The following EXOC4 variants were observed in gnomAD, a reference collection of about 807,000 sequenced individuals.
EXOC4 encodes the protein SEC8-like 1.
EXOC4 carries 71 observed loss-of-function variants against 107.2 expected under a neutral mutation model. The ratio of observed to expected loss-of-function variants is 0.66; its 90% CI spans 0.55 to 0.81. The LOEUF (loss-of-function observed/expected upper bound fraction) is 0.81. Among genes scored for constraint, EXOC4 ranks in the 30% least tolerant of loss-of-function variants. The pLI, the probability that EXOC4 is intolerant of heterozygous loss-of-function variation, is 0.00. For synonymous variants in EXOC4, 456 were observed against 441.2 expected (o/e 1.03, Z -0.42); for missense variants, 1,108 against 1,189.6 (o/e 0.93, Z 1.01).
chr7:133,997,804 G>A (rs1038138481), intron 15 of EXOC4, among the ~76,000 whole-genome samples, 171 bp downstream of exon 15: 2 of 152,164 alleles, frequency 1.3e-5, no homozygotes, highest in Admixed American at 1.3e-4. Flanking sequence ...TGAGCGCACA[G>A]TGTATTGTGA....
intron 14 of EXOC4, among the ~76,000 whole-genome samples, chr7:133,977,605 A>G (rs1793868785): frequency 6.6e-6 from 1 of 152,166 alleles, no homozygotes; most frequent in Non-Finnish European, 1.5e-5. Context: ...CTGTGACCAA[A>G]TCTTTCCTTT....
At chr7:133,376,062 A>G (rs1796483566) in intron 7 of EXOC4, among the ~76,000 whole-genome samples, 1 of 152,202 alleles carries the variant, frequency 6.6e-6, no homozygotes, top group Non-Finnish European at 1.5e-5. Flanking sequence ...CATGGCAAAT[A>G]AGAGTCTTTG....
intron 11 of EXOC4, among the ~76,000 whole-genome samples, chr7:133,836,109 T>C (rs147760476): frequency 1.8e-4 from 28 of 152,320 alleles, no homozygotes; most frequent in Non-Finnish European, 2.6e-4. Context: ...AAATATAATA[T>C]AGCAGACAGG....
intron 17 of EXOC4, among the ~76,000 whole-genome samples, chr7:134,028,267 A>C (rs1795190762): frequency 6.6e-6 from 1 of 152,232 alleles, no homozygotes; most frequent in Non-Finnish European, 1.5e-5. Flanking sequence ...CACATACTCA[A>C]GTCCTTGTTG....
chr7:133,901,903 C>A (rs1221359391), intron 12 of EXOC4, among the ~76,000 whole-genome samples: 2 of 152,040 alleles, frequency 1.3e-5, no homozygotes, highest in Non-Finnish European at 2.9e-5. Flanking sequence ...TGTTAGGACC[C>A]ACTTCTCCCA....
intron 10 of EXOC4, among the ~76,000 whole-genome samples, chr7:133,703,778 C>G (rs1050437019): frequency 6.6e-6 from 1 of 152,162 alleles, no homozygotes; most frequent in Admixed American, 6.5e-5. Context: ...TGGCCAGTGT[C>G]GTTCTGGGAC....
At chr7:133,467,163 A>G (rs1177708304) in intron 7 of EXOC4, among the ~76,000 whole-genome samples, 2 of 151,722 alleles carry the variant, frequency 1.3e-5, no homozygotes, top group Non-Finnish European at 2.9e-5. Flanking sequence ...ATTATTGTTT[A>G]TAGAACCATA....
chr7:133,306,625 A>C lies in EXOC4; in HGVS notation c.656+564A>C, dbSNP rs74841955. ...TGAGATGACAGGATGGCTTGAGCCC[A>C]GGAGTTTGAGCTTCAGTGAGCTATG... On this transcript the variant is annotated intron_variant, in intron 4 of 17. Transcript: ENST00000253861. Among the ~76,000 whole-genome samples the C allele has an allele frequency of 3.4e-4, 52 of 152,256 alleles. 1 individual carries two copies. The East Asian group carries it at 9.8e-3, about 29-fold the overall frequency.
chr7:133,576,505 G>A (rs940573578), intron 9 of EXOC4: 11 of 1,286,912 alleles, frequency 8.5e-6, no homozygotes, highest in Non-Finnish European at 1.1e-5. Context: ...TATTTAAAAC[G>A]TTTTCTTACA....
intron 8 of EXOC4, chr7:133,479,285 T>G (rs1366689897): frequency 6.6e-6 from 1 of 152,198 alleles, no homozygotes; most frequent in Non-Finnish European, 1.5e-5. Flanking sequence ...ACTGATTTGT[T>G]TTTGTTATTT....
At position 133,823,823 on chromosome 7, in the gene EXOC4, T is replaced by TAC. The variant is rs1413949315; in HGVS notation, c.1734+6281_1734+6282dup. ...AAAGCAAGACTGTCTCAAAAATACA[T>TAC]ACATATATATATATATATATTATAT... On this transcript the variant is annotated intron_variant, in intron 11 of 17. Coordinates refer to ENST00000253861, the MANE Select transcript of EXOC4 (RefSeq NM_021807.4). Among the ~76,000 whole-genome samples the TAC allele has an allele frequency of 2.1e-4, 11 of 53,580 alleles. 1 individual carries two copies. The highest frequency in any genetic ancestry group is 9.0e-4 in the African/African-American group (11 of 12,288). The allele number at this position is 53,580 out of a possible 152,430, so 35.2% of individuals were successfully genotyped here. A position where few individuals can be genotyped will look rare whatever the true frequency, so the allele number is the denominator to read the frequency against.
intron 9 of EXOC4, among the ~76,000 whole-genome samples, chr7:133,569,819 G>A (rs964449895): frequency 6.6e-6 from 1 of 152,144 alleles, no homozygotes; most frequent in African/African-American, 2.4e-5. Flanking sequence ...TTTCCAGGCT[G>A]CTTCCAGTGA....
At chr7:133,529,357 C>T (rs1800137764) in intron 9 of EXOC4, among the ~76,000 whole-genome samples, 1 of 152,146 alleles carries the variant, frequency 6.6e-6, no homozygotes, top group Non-Finnish European at 1.5e-5. Context: ...TCAGACATCC[C>T]TGCTCCCTTT....
chr7:133,537,566 T>C (rs973503413), intron 9 of EXOC4, among the ~76,000 whole-genome samples: 34 of 152,202 alleles, frequency 2.2e-4, no homozygotes, highest in Admixed American at 6.5e-4. Context: ...GTTCATTTTC[T>C]TGCCGAGAGA....
chr7:134,052,259 A>T (rs1795814479), intron 17 of EXOC4, among the ~76,000 whole-genome samples: 1 of 152,124 alleles, frequency 6.6e-6, no homozygotes, highest in Admixed American at 6.5e-5. Context: ...TTGTTTCTTG[A>T]TTTGTTTTTC....
chr7:133,268,337 T>G (rs1257117031), intron 1 of EXOC4, among the ~76,000 whole-genome samples: 2 of 152,230 alleles, frequency 1.3e-5, no homozygotes, highest in Non-Finnish European at 2.9e-5. Flanking sequence ...ACTTTCTTGG[T>G]GTATTCCTAA....
chr7:133,783,519 G>A (rs1231009903), intron 10 of EXOC4, among the ~76,000 whole-genome samples: 1 of 152,188 alleles, frequency 6.6e-6, no homozygotes, highest in Non-Finnish European at 1.5e-5. Context: ...TAGTGGCAGA[G>A]GGCCAGAATG....
chr7:133,370,731 C>T (rs980042158), intron 6 of EXOC4, among the ~76,000 whole-genome samples: 16 of 152,182 alleles, frequency 1.1e-4, no homozygotes, highest in South Asian at 2.1e-4. Context: ...TTTCCTTTCA[C>T]ACAGGAAAGG....
chr7:133,963,122 C>T (rs1468475331), intron 14 of EXOC4, among the ~76,000 whole-genome samples: 1 of 152,250 alleles, frequency 6.6e-6, no homozygotes, highest in African/African-American at 2.4e-5. Context: ...TTCCCTGTCC[C>T]CGCACTTCAC....
Sources: allele counts gnomAD v4.1 joint callset (sites outside exome capture counted in the v4.1 genomes callset), GRCh38; gene constraint gnomAD v4.1.1; transcripts MANE v1.5; gene names NCBI Gene and HGNC (gene_info 2026-07-23, HGNC 2026-07-21).